GNPDA2: variants seen among roughly 807,000 people sequenced by gnomAD.
The protein encoded by GNPDA2 is glucosamine-6-phosphate deaminase 2.
A neutral mutation model predicts 27.0 loss-of-function variants in GNPDA2; 24 were observed. The ratio of observed to expected loss-of-function variants is 0.89; its 90% CI spans 0.64 to 1.25. The LOEUF is 1.25. GNPDA2 is among the 50% of genes most tolerant of loss of function. The probability of loss-of-function intolerance (pLI) is 0.00; values close to 1 mark genes in which losing one functional copy is unlikely to be tolerated. For missense variants in GNPDA2, 286 were observed against 335.1 expected, an observed-to-expected ratio of 0.85 and a Z score of 1.14; for synonymous variants, 94 against 108.4, an observed-to-expected ratio of 0.87 and a Z score of 0.83.
chr4:44,715,339 C>T (rs1412840185), intron 4 of GNPDA2, among the ~76,000 whole-genome samples: 1 of 152,080 alleles, frequency 6.6e-6, no homozygotes, highest in Non-Finnish European at 1.5e-5. Flanking sequence ...AGAGATTTGT[C>T]ACATGCATAC....
At chr4:44,723,596 A>G (rs1717818917) in intron 1 of GNPDA2, among the ~76,000 whole-genome samples, 1 of 152,132 alleles carries the variant, frequency 6.6e-6, no homozygotes, top group Non-Finnish European at 1.5e-5. Context: ...CGCGGTGTAT[A>G]TATATACCAC....
At chr4:44,717,858 T>C (rs1247653910) in intron 3 of GNPDA2, among the ~76,000 whole-genome samples, 3 of 151,902 alleles carry the variant, frequency 2.0e-5, no homozygotes, top group Admixed American at 6.6e-5. Context: ...AGATTTCAGG[T>C]AGGCAAGTTA....
At position 44,718,381 on chromosome 4, in the gene GNPDA2, GT is replaced by G. The variant is rs764046569; in HGVS notation, c.153del (p.Lys51AsnfsTer2). On this transcript the variant is annotated frameshift_variant, in exon 3 of 7. Coordinates refer to ENST00000295448, the MANE Select transcript of GNPDA2 (RefSeq NM_138335.3). LOFTEE classifies it high-confidence loss of function. ...TGTCCATTCTTATGATATTCTATTA[GT>G]TTTTTATAGCATCCTAAAGGTGTAC... ...TGSTPLGCYK[K>X]LIEYHKNGHL... 6 of 1,364,032 alleles carry G rather than the reference GT, an allele frequency of 4.4e-6. No homozygotes were observed. The highest frequency in any genetic ancestry group is 1.5e-5 in the African/African-American group (1 of 66,832). The allele number at this position is 1,364,032 out of a possible 1,614,324, so 84.5% of individuals were successfully genotyped here.
rs372262215 is a variant in GNPDA2 at position 44,718,355 on chromosome 4, G to T, written c.180C>A (p.His60Gln). ...AGGTCTTCACATATTTAAAAGAAAGGTGTCCATTCTTATGATATTCTATTA... is the reference window on the plus strand; with the variant it reads ...AGGTCTTCACATATTTAAAAGAAAGTTGTCCATTCTTATGATATTCTATTA... ...KKLIEYHKNG[H>Q]LSFKYVKTFN... Residue 60 changes from histidine (H) to glutamine (Q), a missense_variant, in exon 3 of 7, where the codon CAC becomes CAA. Physicochemically the swap from His to Gln is conservative, Grantham distance 24 (BLOSUM62 0). Transcript: ENST00000295448. 1.4e-6 allele frequency: 2 copies of T among 1,379,860 alleles called. No individual in the cohort carries two copies. The highest frequency in any genetic ancestry group is 2.0e-6 in the Non-Finnish European group (2 of 1,005,152). 85.5% of individuals were successfully genotyped at this position (1,379,860 alleles called of 1,614,324 possible).
Position 44,703,596 on chromosome 4 carries a change from C to CAAT in GNPDA2, c.770-457_770-455dup, listed in dbSNP as rs1011978591. 15 of 982,234 alleles carry CAAT rather than the reference C, an allele frequency of 1.5e-5. No homozygotes were observed. The African/African-American group carries it at 2.6e-4, about 17-fold the overall frequency. 60.8% of individuals were successfully genotyped at this position (982,234 alleles called of 1,614,324 possible). A position where few individuals can be genotyped will look rare whatever the true frequency, so the allele number is the denominator to read the frequency against. On this transcript the variant is annotated intron_variant, in intron 6 of 6. Transcript: ENST00000295448. Reference sequence around the variant, plus strand: ...TCCATTCGTCTGGTAAATTACTTTCCAATAGTTTGGCATGTGTATTTATGA... The same window carrying CAAT: ...TCCATTCGTCTGGTAAATTACTTTCCAATAATAGTTTGGCATGTGTATTTATGA...
chr4:44,703,171 G>A (rs1560355259), intron 6 of GNPDA2, 29 bp from the exon 7 acceptor site: 3 of 1,591,360 alleles, frequency 1.9e-6, no homozygotes, highest in Non-Finnish European at 2.6e-6. Context: ...AGTTCTAGTT[G>A]TTTTTATTAA....
chr4:44,703,762 A>G (rs1274576708), intron 6 of GNPDA2: 3 of 984,962 alleles, frequency 3.0e-6, no homozygotes, highest in Non-Finnish European at 3.6e-6. Flanking sequence ...TAATTGGTAC[A>G]TATACTTGCA....
intron 2 of GNPDA2, among the ~76,000 whole-genome samples, chr4:44,720,713 T>C (rs1204510466): frequency 1.3e-5 from 2 of 152,108 alleles, no homozygotes; most frequent in African/African-American, 2.4e-5. Context: ...AACTTGTCGA[T>C]GGTCAATGAA....
In GNPDA2 at chr4:44,702,956, C is replaced by CT; in HGVS notation, c.*124dup. 1 of 1,523,034 alleles carries CT rather than the reference C, an allele frequency of 6.6e-7. No homozygotes were observed. Among genetic ancestry groups the CT allele is most frequent in the Non-Finnish European group, 8.7e-7 (1 of 1,143,932 alleles). 94.3% of individuals were successfully genotyped at this position (1,523,034 alleles called of 1,614,324 possible). A position where few individuals can be genotyped will look rare whatever the true frequency, so the allele number is the denominator to read the frequency against. ...AAATATGGAATGTTTAACATAGAGA[C>CT]TCGAATGAAAAAATGACAATCTTCA... On this transcript the variant is annotated 3_prime_UTR_variant, in exon 7 of 7. Coordinates refer to ENST00000295448, the MANE Select transcript of GNPDA2 (RefSeq NM_138335.3).
At chr4:44,704,546 A>G in intron 6 of GNPDA2, 1 of 726,540 alleles carries the variant, frequency 1.4e-6, no homozygotes, top group Non-Finnish European at 1.7e-6. Context: ...CTTCCAAACT[A>G]GAAATAATTA....
rs892024699 is a variant in GNPDA2, at chr4:44,702,090, G to A, written c.*991C>T. 4 of 983,758 alleles carry A rather than the reference G, an allele frequency of 4.1e-6. No homozygotes were observed. The highest frequency in any genetic ancestry group is 3.6e-6 in the Non-Finnish European group (3 of 828,160). The allele number at this position is 983,758 out of a possible 1,614,324, so 60.9% of individuals were successfully genotyped here. ...ACCCAAAATGAATGCAGGTTCACATGTACTATAATTGTTGGGAGTCGAATG... is the reference window on the plus strand; with the variant it reads ...ACCCAAAATGAATGCAGGTTCACATATACTATAATTGTTGGGAGTCGAATG... On this transcript the variant is annotated 3_prime_UTR_variant, in exon 7 of 7. Transcript: ENST00000295448.
intron 6 of GNPDA2, chr4:44,703,531 G>A (rs1716401291): frequency 1.0e-6 from 1 of 996,350 alleles, no homozygotes; most frequent in Admixed American, 6.1e-5. Flanking sequence ...CTCCAGCCAG[G>A]GGCTCAGAAC....
In GNPDA2 at chr4:44,710,970, C is replaced by T; in HGVS notation, c.577G>A (p.Val193Met). ...ATGCTTACTTCTCTAGCATCCATCA[C>T]TGTCCCCACACCAACAGTTAGAGCC... is the stretch of plus-strand genomic sequence containing the variant. ...TMALTVGVGTVMDAREVMILI... is the reference protein window; with the variant it reads ...TMALTVGVGTMMDAREVMILI... The change falls in exon 5 of 7, where the codon GTG (valine) becomes ATG (methionine). Residue 193 changes from valine (V) to methionine (M), a missense_variant. Physicochemically the swap from Val to Met is conservative, Grantham distance 21. Transcript: ENST00000295448. The T allele has an allele frequency of 6.2e-7, 1 of 1,605,266 alleles. No homozygotes were observed.
chr4:44,707,668 G>C (rs1716692555), intron 6 of GNPDA2, 84 bp downstream of exon 6: 1 of 1,204,082 alleles, frequency 8.3e-7, no homozygotes, highest in African/African-American at 1.5e-5. Context: ...GTCACAGTGT[G>C]AGATTTAACC....
In GNPDA2 at chr4:44,702,957, T is replaced by C; in HGVS notation, c.*124A>G. 6.5e-7 allele frequency: 1 copy of C among 1,527,052 alleles called. No individual in the cohort carries two copies. The highest frequency in any genetic ancestry group is 8.7e-7 in the Non-Finnish European group (1 of 1,145,776). The allele number at this position is 1,527,052 out of a possible 1,614,324, so 94.6% of individuals were successfully genotyped here. A position where few individuals can be genotyped will look rare whatever the true frequency, so the allele number is the denominator to read the frequency against. On this transcript the variant is annotated 3_prime_UTR_variant, in exon 7 of 7. Transcript: ENST00000295448. Reference sequence around the variant, plus strand: ...AATATGGAATGTTTAACATAGAGACTCGAATGAAAAAATGACAATCTTCAA... The same window carrying C: ...AATATGGAATGTTTAACATAGAGACCCGAATGAAAAAATGACAATCTTCAA...
chr4:44,709,488 A>C (rs931118440), intron 5 of GNPDA2, among the ~76,000 whole-genome samples: 2 of 152,210 alleles, frequency 1.3e-5, no homozygotes, highest in Non-Finnish European at 2.9e-5. Flanking sequence ...GAAGCAAGCT[A>C]GGTGTGGATA....
At chr4:44,711,630 T>G (rs1041298008) in intron 4 of GNPDA2, among the ~76,000 whole-genome samples, 3 of 152,082 alleles carry the variant, frequency 2.0e-5, no homozygotes, top group African/African-American at 7.2e-5. Flanking sequence ...ATAGTCACAC[T>G]TTAATTTACT....
chr4:44,718,840 G>A (rs1717490175), intron 2 of GNPDA2, among the ~76,000 whole-genome samples: 1 of 151,790 alleles, frequency 6.6e-6, no homozygotes, highest in African/African-American at 2.4e-5. Flanking sequence ...TTTAAATATT[G>A]CCCCTACTTT....
At chr4:44,716,870 A>G (rs1287103136) in intron 4 of GNPDA2, among the ~76,000 whole-genome samples, 1 of 151,774 alleles carries the variant, frequency 6.6e-6, no homozygotes, top group East Asian at 1.9e-4. Context: ...TTTAACGGGG[A>G]TTGGGATCTA....
Sources: allele counts gnomAD v4.1 joint callset (sites outside exome capture counted in the v4.1 genomes callset), GRCh38; gene constraint gnomAD v4.1.1; transcripts MANE v1.5; gene names NCBI Gene and HGNC (gene_info 2026-07-23, HGNC 2026-07-21).